The following ASAH1 variants were observed in gnomAD, a reference collection of about 807,000 sequenced individuals.
ASAH1 encodes the protein N-acylsphingosine amidohydrolase 1.
In ASAH1, 70 loss-of-function variants were observed where a neutral mutation model predicts 59.5. That is an observed-to-expected ratio of 1.18 (90% CI 0.97 to 1.43). ASAH1 has a LOEUF of 1.43. Among genes scored for constraint, ASAH1 ranks in the 40% most tolerant of loss-of-function variants. The probability of loss-of-function intolerance (pLI) is 0.00; values close to 1 mark genes in which losing one functional copy is unlikely to be tolerated. For synonymous variants in ASAH1, 213 were observed against 166.5 expected (o/e 1.28, Z -2.15); for missense variants, 660 against 482.5 (o/e 1.37, Z -3.45).
chr8:18,084,059 C>G lies in ASAH1; in HGVS notation c.-1G>C. 6.3e-7 allele frequency: 1 copy of G among 1,598,618 alleles called. No individual in the cohort carries two copies. Among genetic ancestry groups the G allele is most frequent in the South Asian group, 1.1e-5 (1 of 91,068 alleles). ...AGGCGACGCAACTCCGGCCCGGCAT[C>G]GCTCTAGCAGCCAACGCCACTCCCC... On this transcript the variant is annotated 5_prime_UTR_variant, in exon 1 of 14. Transcript: ENST00000637790.
chr8:18,056,013 A>G lies in ASAH1; in HGVS notation c.*1521T>C, dbSNP rs1799458988. The G allele has an allele frequency of 6.6e-6, 1 of 152,180 alleles. No homozygotes were observed. Among genetic ancestry groups the G allele is most frequent in the African/African-American group, 2.4e-5 (1 of 41,442 alleles). 9.4% of individuals were successfully genotyped at this position (152,180 alleles called of 1,614,324 possible). ...ACAATTAGCATCTCACCTCTTTACT[A>G]TCAGGCATATCAAAGGTTATTACAT... is the stretch of plus-strand genomic sequence containing the variant. On this transcript the variant is annotated 3_prime_UTR_variant, in exon 14 of 14. Transcript: ENST00000637790.
upstream of ASAH1, chr8:18,084,429 C>G (rs1447532714): frequency 7.3e-7 from 1 of 1,376,216 alleles, no homozygotes; most frequent in South Asian, 1.5e-5. Context: ...GATGGGGCGC[C>G]TCTAGCAGGC....
chr8:18,060,747 T>C (rs543510876), intron 10 of ASAH1: 1 of 152,626 alleles, frequency 6.6e-6, no homozygotes, highest in South Asian at 2.1e-4. Context: ...CATTTTGTAT[T>C]TATTTATTTT....
chr8:18,074,356 G>T (rs1347317050), intron 2 of ASAH1, among the ~76,000 whole-genome samples: 1 of 152,020 alleles, frequency 6.6e-6, no homozygotes, highest in Non-Finnish European at 1.5e-5. Context: ...GCCAAATACT[G>T]GCCTCTTTCT....
intron 3 of ASAH1, 29 bp from the exon 4 acceptor site, chr8:18,069,907 A>G (rs1205168012): frequency 1.4e-6 from 2 of 1,469,880 alleles, no homozygotes; most frequent in Non-Finnish European, 9.4e-7. Context: ...GCTTACTAAA[A>G]GACATAATGA....
At chr8:18,065,281 T>C (rs373681360) in intron 5 of ASAH1, 6 of 152,042 alleles carry the variant, frequency 3.9e-5, no homozygotes, top group African/African-American at 1.2e-4. Flanking sequence ...CTATTTGGTA[T>C]TGAGTTGCTA....
chr8:18,081,202 G>T (rs901113174), intron 1 of ASAH1, among the ~76,000 whole-genome samples: 1 of 152,140 alleles, frequency 6.6e-6, no homozygotes, highest in Non-Finnish European at 1.5e-5. Flanking sequence ...CAATGTGCAG[G>T]TCACGCTGAC....
At chr8:18,061,887 A>G (rs1040972247) in intron 8 of ASAH1, 147 bp from the exon 9 acceptor site, 19 of 818,918 alleles carry the variant, frequency 2.3e-5, no homozygotes, top group Non-Finnish European at 3.6e-5. Flanking sequence ...AAGGCTTTTT[A>G]AAAAGTTCAA....
upstream of ASAH1, chr8:18,084,414 G>A: frequency 2.2e-6 from 3 of 1,386,580 alleles, no homozygotes; most frequent in South Asian, 1.5e-5. Flanking sequence ...CACCCGTGGC[G>A]CCTCGATGGG....
rs141825139 is a variant in ASAH1 at position 18,067,706 on chromosome 8, T to A, written c.304-408A>T. ...CCCTCTAGCCACTGGCATATACCGT[T>A]CTTACCATTTCCTTCCCACACTCAC... On this transcript the variant is annotated intron_variant, in intron 4 of 13. Transcript: ENST00000637790. 7.4e-3 allele frequency: 1,148 copies of A among 155,192 alleles called. 4 individuals carry two copies. The highest frequency in any genetic ancestry group is 0.012 in the Non-Finnish European group (876 of 70,474). 9.6% of individuals were successfully genotyped at this position (155,192 alleles called of 1,614,324 possible). A position where few individuals can be genotyped will look rare whatever the true frequency, so the allele number is the denominator to read the frequency against.
rs1799834899 is a variant in ASAH1 at position 18,064,284 on chromosome 8, A to G, written c.457+173T>C. The G allele has an allele frequency of 4.7e-6, 3 of 641,382 alleles. No homozygotes were observed. The East Asian group carries it at 8.1e-5, about 17-fold the overall frequency. The allele number at this position is 641,382 out of a possible 1,614,324, so 39.7% of individuals were successfully genotyped here. The stretch of plus-strand genomic sequence containing the variant: ...TTAATAGGCAGTACAGTAGTCTGAA[A>G]ATAAGGAAAATTTTCAGTACAATCA... On this transcript the variant is annotated intron_variant, in intron 6 of 13. Coordinates refer to ENST00000637790, the MANE Select transcript of ASAH1 (RefSeq NM_177924.5).
chr8:18,081,503 A>C (rs752140385), intron 1 of ASAH1, among the ~76,000 whole-genome samples: 36 of 152,354 alleles, frequency 2.4e-4, no homozygotes, highest in Non-Finnish European at 4.4e-4. Context: ...ATAAGAGTCT[A>C]CAGAACCCTG....
intron 2 of ASAH1, among the ~76,000 whole-genome samples, chr8:18,071,966 C>T (rs7460992): frequency 0.83 from 127,051 of 152,180 alleles, 55,568 homozygotes; most frequent in Non-Finnish European, 0.98. Context: ...TTCTCATTTT[C>T]CTGGACAAAG....
chr8:18,078,058 T>C (rs1800484688), intron 1 of ASAH1, among the ~76,000 whole-genome samples: 1 of 152,194 alleles, frequency 6.6e-6, no homozygotes, highest in South Asian at 2.1e-4. Flanking sequence ...CCCACAGAGA[T>C]AATAAAACCA....
At chr8:18,080,663 T>C (rs555917022) in intron 1 of ASAH1, among the ~76,000 whole-genome samples, 1 of 152,302 alleles carries the variant, frequency 6.6e-6, no homozygotes, top group Non-Finnish European at 1.5e-5. Flanking sequence ...GTTCAAGCAA[T>C]TCTCCCGCCT....
At chr8:18,063,311 A>AATTT in intron 6 of ASAH1, 81 bp from the exon 7 acceptor site, 2 of 1,191,516 alleles carry the variant, frequency 1.7e-6, no homozygotes, top group Non-Finnish European at 2.5e-6. Context: ...TTGATTAATT[A>AATTT]ATTTATTTTT....
intron 5 of ASAH1, 117 bp downstream of exon 5, chr8:18,067,103 A>ACCTGTGCTGTATATCTAAGACATACAGCT: frequency 6.0e-6 from 7 of 1,158,366 alleles, no homozygotes; most frequent in Non-Finnish European, 8.6e-6. Flanking sequence ...AGACCTGTGC[A>ACCTGTGCTGTATATCTAAGACATACAGCT]CCTGTGCTGT....
At chr8:18,077,557 C>G (rs921350339) in intron 1 of ASAH1, among the ~76,000 whole-genome samples, 1 of 152,164 alleles carries the variant, frequency 6.6e-6, no homozygotes, top group Non-Finnish European at 1.5e-5. Context: ...GATCAGTTAT[C>G]GGTATGTTGA....
Position 18,059,347 on chromosome 8 carries a change from G to A in ASAH1, c.1035C>T (p.Ser345=). Residue 345 remains serine (S), a synonymous_variant, in exon 12 of 14, where the codon AGC becomes AGT. Coordinates refer to ENST00000637790, the MANE Select transcript of ASAH1 (RefSeq NM_177924.5). ...GATGACCCTGCAAAGGTACCTCTTG[G>A]CTGGTGCGGTTCAGACACATCTTTG... is the stretch of plus-strand genomic sequence containing the variant. ...TPAKMCLNRT[S]QENISFETMY... 3.7e-6 allele frequency: 6 copies of A among 1,614,172 alleles called. No individual in the cohort carries two copies. Among genetic ancestry groups the A allele is most frequent in the Non-Finnish European group, 5.1e-6 (6 of 1,180,026 alleles).
Sources: allele counts gnomAD v4.1 joint callset (sites outside exome capture counted in the v4.1 genomes callset), GRCh38; gene constraint gnomAD v4.1.1; transcripts MANE v1.5; gene names NCBI Gene and HGNC (gene_info 2026-07-23, HGNC 2026-07-21).